Variants in SMOC1 observed in about 807,000 individuals in gnomAD.
The protein encoded by SMOC1 is SPARC-related modular calcium-binding protein 1.
Under a neutral mutation model 56.3 loss-of-function variants are expected in SMOC1, and 22 were observed. The ratio of observed to expected loss-of-function variants is 0.39; its 90% CI spans 0.28 to 0.56. SMOC1 has a LOEUF of 0.56. Ranked by LOEUF, SMOC1 falls within the 20% of genes least tolerant of loss-of-function variation. SMOC1 has a pLI of 0.61. For missense variants in SMOC1, 509 were observed against 565.4 expected (o/e 0.90, Z 1.01); for synonymous variants, 193 against 215.0 (o/e 0.90, Z 0.89).
intron 5 of SMOC1, among the ~76,000 whole-genome samples, chr14:69,979,228 C>T (rs533848001): frequency 2.1e-3 from 316 of 152,130 alleles, no homozygotes; most frequent in Non-Finnish European, 2.9e-3. Context: ...GAAGAAGAGG[C>T]GAAGTCACCC....
intron 10 of SMOC1, among the ~76,000 whole-genome samples, chr14:70,013,897 G>A (rs866915000): frequency 1.3e-5 from 2 of 152,198 alleles, no homozygotes; most frequent in African/African-American, 4.8e-5. Flanking sequence ...CTAGAAGGCA[G>A]GAACCAAATG....
chr14:69,975,950 T>A lies in SMOC1; in HGVS notation c.478+136T>A. 8.7e-6 allele frequency: 6 copies of A among 693,236 alleles called. No homozygotes were observed. In the South Asian group the frequency reaches 9.2e-5, roughly 11 times the overall value. The allele number at this position is 693,236 out of a possible 1,614,324, so 42.9% of individuals were successfully genotyped here. A position where few individuals can be genotyped will look rare whatever the true frequency, so the allele number is the denominator to read the frequency against. ...TTTTCTAGATCAGGGAGGATTCTAC[T>A]CTAACATGCTTGCTCGGAAGTCAGC... On this transcript the variant is annotated intron_variant, in intron 4 of 11. Coordinates refer to ENST00000361956, the MANE Select transcript of SMOC1 (RefSeq NM_001034852.3).
Position 69,959,962 on chromosome 14 carries a change from C to T in SMOC1, c.378+6430C>T, listed in dbSNP as rs561200946. On this transcript the variant is annotated intron_variant, in intron 3 of 11. Transcript: ENST00000361956. ...GTTCCTTTTTAGCTCCCCAGCCCCA[C>T]AGTATAGAAACGCATCTTCCTGACG... 3.9e-5 allele frequency among the ~76,000 whole-genome samples: 6 copies of T among 152,288 alleles called. No individual in the cohort carries two copies. The East Asian group carries it at 9.6e-4, about 24-fold the overall frequency.
chr14:69,953,366 G>A (rs1385526468), intron 2 of SMOC1, 54 bp from the exon 3 acceptor site: 7 of 1,545,478 alleles, frequency 4.5e-6, no homozygotes, highest in Admixed American at 1.7e-5. Context: ...TTTGTCCCTC[G>A]GCCCCAGTGT....
At chr14:69,993,111 G>T (rs556484059) in intron 6 of SMOC1, among the ~76,000 whole-genome samples, 1 of 152,206 alleles carries the variant, frequency 6.6e-6, no homozygotes, top group East Asian at 1.9e-4. Flanking sequence ...GGGGAATGAG[G>T]TAGGGATGGG....
At chr14:69,900,229 C>G (rs989082132) in intron 1 of SMOC1, among the ~76,000 whole-genome samples, 2 of 152,182 alleles carry the variant, frequency 1.3e-5, no homozygotes, top group African/African-American at 2.4e-5. Flanking sequence ...GAAGCAGCCA[C>G]CCAACTACCT....
intron 11 of SMOC1, among the ~76,000 whole-genome samples, chr14:70,027,744 C>T (rs989422383): frequency 3.3e-5 from 5 of 152,180 alleles, no homozygotes; most frequent in Non-Finnish European, 2.9e-5. Context: ...CCTACCTCAA[C>T]GATTTGGTGA....
intron 1 of SMOC1, among the ~76,000 whole-genome samples, chr14:69,942,544 G>A (rs990958775): frequency 1.3e-5 from 2 of 151,844 alleles, no homozygotes; most frequent in African/African-American, 4.8e-5. Context: ...TATTTCCATC[G>A]CCCACAAACA....
chr14:69,901,474 G>A (rs892947016), intron 1 of SMOC1, among the ~76,000 whole-genome samples: 1 of 152,186 alleles, frequency 6.6e-6, no homozygotes, highest in Non-Finnish European at 1.5e-5. Context: ...TTGTCCCTCA[G>A]CCTTCATGTA....
intron 1 of SMOC1, among the ~76,000 whole-genome samples, chr14:69,903,612 G>T (rs150347251): frequency 0.011 from 1,621 of 152,208 alleles, 39 homozygotes; most frequent in South Asian, 0.098. Context: ...CCCCCAACCC[G>T]GTGCTCTCTG....
At chr14:69,930,237 T>TGACAGCCCC (rs1885131907) in intron 1 of SMOC1, among the ~76,000 whole-genome samples, 1 of 124,378 alleles carries the variant, frequency 8.0e-6, no homozygotes, top group African/African-American at 4.9e-5. Context: ...CCTTCCCACC[T>TGACAGCCCC]CTGCACCTCT....
chr14:69,949,587 G>A (rs1167946133), intron 1 of SMOC1, among the ~76,000 whole-genome samples: 1 of 152,220 alleles, frequency 6.6e-6, no homozygotes, highest in Non-Finnish European at 1.5e-5. Flanking sequence ...CCTCACCTGG[G>A]AGAGTCAGGG....
chr14:69,892,404 G>A (rs1016571015), intron 1 of SMOC1, among the ~76,000 whole-genome samples: 10 of 152,226 alleles, frequency 6.6e-5, no homozygotes, highest in Non-Finnish European at 1.5e-5. Context: ...AAGATTCTGT[G>A]AAGGTAATTG....
intron 1 of SMOC1, among the ~76,000 whole-genome samples, chr14:69,919,754 G>T (rs1452836415): frequency 6.6e-6 from 1 of 152,200 alleles, no homozygotes; most frequent in African/African-American, 2.4e-5. Context: ...TGGCTGTGAT[G>T]AAATCAGTGG....
chr14:69,923,806 A>G (rs968094198), intron 1 of SMOC1, among the ~76,000 whole-genome samples: 1 of 152,082 alleles, frequency 6.6e-6, no homozygotes. Context: ...CCCTCAATCA[A>G]TCCTACGTAG....
chr14:69,897,766 T>C (rs2139319059), intron 1 of SMOC1, among the ~76,000 whole-genome samples: 1 of 152,322 alleles, frequency 6.6e-6, no homozygotes, highest in South Asian at 2.1e-4. Context: ...GCTATACTCA[T>C]GGACTACATT....
At chr14:69,903,139 C>G (rs561526110) in intron 1 of SMOC1, among the ~76,000 whole-genome samples, 168 of 152,110 alleles carry the variant, frequency 1.1e-3, no homozygotes, top group African/African-American at 3.9e-3. Context: ...TGAGGACCGC[C>G]TCTTCCTGGC....
intron 8 of SMOC1, among the ~76,000 whole-genome samples, chr14:70,011,237 T>G (rs1213590333): frequency 6.6e-6 from 1 of 152,180 alleles, no homozygotes; most frequent in Non-Finnish European, 1.5e-5. Context: ...TCAAAAAAGA[T>G]ACTGCGTGCA....
At chr14:69,925,955 TC>T (rs767546044) in intron 1 of SMOC1, among the ~76,000 whole-genome samples, 2 of 152,104 alleles carry the variant, frequency 1.3e-5, no homozygotes, top group Non-Finnish European at 2.9e-5. Flanking sequence ...TCTTAGCTCT[TC>T]CTGCCCCCCA....
Sources: gnomAD v4.1 joint callset for allele counts (sites outside exome capture counted in the v4.1 genomes callset) on GRCh38, gnomAD v4.1.1 for gene constraint, MANE v1.5 for transcripts, NCBI Gene and HGNC (gene_info 2026-07-23, HGNC 2026-07-21) for gene names.